Variants in UVSSA observed in about 807,000 individuals in gnomAD.
The protein encoded by UVSSA is UV-stimulated scaffold protein A.
Under a neutral mutation model 73.9 loss-of-function variants are expected in UVSSA, and 72 were observed. The observed-to-expected ratio is 0.97, with a 90% confidence interval of 0.81 to 1.19. UVSSA has a LOEUF of 1.19. Among genes scored for constraint, UVSSA ranks in the 50% most tolerant of loss-of-function variants. UVSSA has a pLI of 0.00. For missense variants in UVSSA, 1,150 were observed against 965.0 expected (o/e 1.19, Z -2.54); for synonymous variants, 454 against 391.3 (o/e 1.16, Z -1.89).
chr4:1,378,861 C>T (rs954734805), intron 10 of UVSSA, among the ~76,000 whole-genome samples: 17 of 152,354 alleles, frequency 1.1e-4, no homozygotes, highest in African/African-American at 2.9e-4. Context: ...GGGCTTTGCC[C>T]GAGACGCCTC....
chr4:1,349,680 G>A lies in UVSSA; in HGVS notation c.255G>A (p.Glu85=). The change falls in exon 3 of 14, where the codon GAG becomes GAA. Residue 85 remains glutamate, a synonymous_variant. Transcript: ENST00000389851. ...TGCTGGTTGTTTCCAACTTCCAGGA[G>A]TTCCTGGAGCTCACGCTGGGCACAG... The part of the protein sequence containing the change: ...FRMLVVSNFQ[E]FLELTLGTDP... The A allele has an allele frequency of 6.2e-7, 1 of 1,614,012 alleles. No homozygotes were observed. Among genetic ancestry groups the A allele is most frequent in the Non-Finnish European group, 8.5e-7 (1 of 1,179,988 alleles).
chr4:1,377,389 C>T (rs1316404863), intron 10 of UVSSA, among the ~76,000 whole-genome samples: 4 of 152,188 alleles, frequency 2.6e-5, no homozygotes, highest in South Asian at 4.1e-4. Flanking sequence ...TTGAGGGCCC[C>T]GTCCTCAGGG....
chr4:1,352,029 C>A (rs76271434), intron 4 of UVSSA, among the ~76,000 whole-genome samples, 194 bp downstream of exon 4: 3,258 of 152,362 alleles, frequency 0.021, 118 homozygotes, highest in African/African-American at 0.072. Context: ...CTCTCCCGCG[C>A]CCTCTGGTGG....
At chr4:1,354,086 G>A (rs1715255820) in intron 5 of UVSSA, among the ~76,000 whole-genome samples, 1 of 152,214 alleles carries the variant, frequency 6.6e-6, no homozygotes, top group Admixed American at 6.5e-5. Context: ...CACAGCAGGT[G>A]TCCCTTCACC....
At chr4:1,392,455 G>A (rs1720431170), downstream of UVSSA, 1 of 152,198 alleles carries the variant, frequency 6.6e-6, no homozygotes, top group South Asian at 2.1e-4. Context: ...ATTTCTTGTA[G>A]GACAGATCTT....
chr4:1,355,926 G>C (rs1715667352), intron 7 of UVSSA, among the ~76,000 whole-genome samples: 1 of 152,156 alleles, frequency 6.6e-6, no homozygotes, highest in Non-Finnish European at 1.5e-5. Flanking sequence ...ACCTTGAACT[G>C]GCTGAGCATG....
intron 13 of UVSSA, chr4:1,385,517 C>G: frequency 3.2e-6 from 1 of 309,054 alleles, no homozygotes. Flanking sequence ...GCATCTCCTG[C>G]GAGGCCGCTC....
rs556075725 is a variant in UVSSA, at chr4:1,369,215, G to A, written c.1288+2784G>A. 1.3e-3 allele frequency among the ~76,000 whole-genome samples: 204 copies of A among 152,360 alleles called. 2 individuals carry two copies. The South Asian group carries it at 0.035, about 26-fold the overall frequency. ...TTGGCGGCCTTGCTGGGAGTCGACC[G>A]GGTGCGAGCATGCAGCACCAGCTGT... On this transcript the variant is annotated intron_variant, in intron 8 of 13. Coordinates refer to ENST00000389851, the MANE Select transcript of UVSSA (RefSeq NM_020894.4).
chr4:1,374,109 G>C (rs1206473943), intron 8 of UVSSA, among the ~76,000 whole-genome samples: 1 of 152,284 alleles, frequency 6.6e-6, no homozygotes, highest in African/African-American at 2.4e-5. Flanking sequence ...CGCCTTGCTC[G>C]GTCTGTTTTC....
intron 7 of UVSSA, among the ~76,000 whole-genome samples, chr4:1,357,504 G>A (rs999063005): frequency 6.6e-6 from 1 of 152,256 alleles, no homozygotes; most frequent in Admixed American, 6.5e-5. Context: ...GCAGCCTCCG[G>A]GACTGCTGGC....
At chr4:1,354,002 G>A (rs1157847577) in intron 5 of UVSSA, among the ~76,000 whole-genome samples, 1 of 152,230 alleles carries the variant, frequency 6.6e-6, no homozygotes, top group Non-Finnish European at 1.5e-5. Flanking sequence ...GGTGTGAGTG[G>A]AGGCTGGGGC....
At position 1,371,036 on chromosome 4, in the gene UVSSA, C is replaced by T. The variant is rs1053338442; in HGVS notation, c.1289-4328C>T. 2.0e-5 allele frequency among the ~76,000 whole-genome samples: 3 copies of T among 152,204 alleles called. No homozygotes were observed. In the East Asian group the frequency reaches 5.8e-4, roughly 29 times the overall value. On this transcript the variant is annotated intron_variant, in intron 8 of 13. Transcript: ENST00000389851. ...TCATTCTCCTCCCAGCTCTTCTCTC[C>T]AAACAGAGCATTCCCGGCTCTGCAC...
chr4:1,354,988 T>C lies in UVSSA; in HGVS notation c.1048-129T>C, dbSNP rs1715472924. On this transcript the variant is annotated intron_variant, in intron 6 of 13. Coordinates refer to ENST00000389851, the MANE Select transcript of UVSSA (RefSeq NM_020894.4). ...GAGGGCTCTGTCCCTCACCCGCAGC[T>C]TTGTCCTCTGCATCCCAGGTGTGCC... 3.6e-5 allele frequency: 55 copies of C among 1,529,910 alleles called. 1 individual carries two copies. In the South Asian group the frequency reaches 6.4e-4, roughly 18 times the overall value. The allele number at this position is 1,529,910 out of a possible 1,614,324, so 94.8% of individuals were successfully genotyped here.
intron 1 of UVSSA, 97 bp downstream of exon 1, chr4:1,347,857 C>T (rs1354830306): frequency 1.8e-5 from 9 of 506,374 alleles, no homozygotes; most frequent in Non-Finnish European, 2.8e-5. Context: ...CAGCGTCCCA[C>T]ACACGGGATT....
upstream of UVSSA, among the ~76,000 whole-genome samples, chr4:1,345,865 C>G (rs1268441487): frequency 6.6e-6 from 1 of 151,998 alleles, no homozygotes; most frequent in Non-Finnish European, 1.5e-5. Flanking sequence ...CTAATGAGAA[C>G]TAGTAACAAC....
At chr4:1,347,881 G>C in intron 1 of UVSSA, 121 bp downstream of exon 1, 1 of 562,120 alleles carries the variant, frequency 1.8e-6, no homozygotes, top group East Asian at 3.0e-5. Context: ...GAGGTCCCGA[G>C]TTTAAGGTTC....
At chr4:1,357,345 G>A (rs1715933150) in intron 7 of UVSSA, among the ~76,000 whole-genome samples, 1 of 152,302 alleles carries the variant, frequency 6.6e-6, no homozygotes, top group Admixed American at 6.5e-5. Flanking sequence ...AGCAGTGCTG[G>A]GGCTGGGGCA....
Position 1,380,850 on chromosome 4 carries a change from G to A in UVSSA, c.1753-30G>A, listed in dbSNP as rs369098077. On this transcript the variant is annotated intron_variant, in intron 11 of 13. Transcript: ENST00000389851. ...GGTCAAGGCAAGCGGACCCCTCCCCGCCATCAGCCACCGTGTCCTCGCTGT... is the reference window on the plus strand; with the variant it reads ...GGTCAAGGCAAGCGGACCCCTCCCCACCATCAGCCACCGTGTCCTCGCTGT... The A allele has an allele frequency of 1.7e-4, 273 of 1,600,020 alleles. 2 individuals carry two copies. Among genetic ancestry groups the A allele is most frequent in the Non-Finnish European group, 2.0e-4 (231 of 1,170,970 alleles).
intron 2 of UVSSA, among the ~76,000 whole-genome samples, chr4:1,349,042 GT>G (rs1227528285): frequency 1.8e-5 from 2 of 112,022 alleles, no homozygotes; most frequent in African/African-American, 6.8e-5. Flanking sequence ...GGCGGTGTGT[GT>G]TTGTGCCGGG....
Sources: gnomAD v4.1 joint callset for allele counts (sites outside exome capture counted in the v4.1 genomes callset) on GRCh38, gnomAD v4.1.1 for gene constraint, MANE v1.5 for transcripts, NCBI Gene and HGNC (gene_info 2026-07-23, HGNC 2026-07-21) for gene names.